The following SHISA9 variants were observed in gnomAD, a reference collection of about 807,000 sequenced individuals.
The protein encoded by SHISA9 is shisa family member 9.
Under a neutral mutation model 38.0 loss-of-function variants are expected in SHISA9, and 13 were observed. The ratio of observed to expected loss-of-function variants is 0.34; its 90% CI spans 0.22 to 0.54. The LOEUF (loss-of-function observed/expected upper bound fraction) is 0.54. Ranked by LOEUF, SHISA9 falls within the 20% of genes least tolerant of loss-of-function variation. SHISA9 has a pLI of 0.91. For missense variants in SHISA9, 538 were observed against 575.8 expected (o/e 0.93, Z 0.67); for synonymous variants, 275 against 242.0 (o/e 1.14, Z -1.27).
At chr16:13,448,248 T>A in the SHISA9 span, among the ~76,000 whole-genome samples, 1 of 152,208 alleles carries the variant, frequency 6.6e-6, no homozygotes, top group African/African-American at 2.4e-5. Flanking sequence ...CATGCACATG[T>A]ACCCTGGTCT....
intron 2 of SHISA9, among the ~76,000 whole-genome samples, chr16:12,924,720 A>C (rs2071372026): frequency 6.6e-6 from 1 of 152,100 alleles, no homozygotes; most frequent in South Asian, 2.1e-4. Flanking sequence ...TTTTCTCTTG[A>C]GGTATGGTAT....
the SHISA9 span, among the ~76,000 whole-genome samples, chr16:13,341,228 C>G: frequency 1.3e-5 from 2 of 151,450 alleles, no homozygotes; most frequent in Admixed American, 6.6e-5. Flanking sequence ...AGGTGAAAGT[C>G]CACAAACCAC....
chr16:13,547,614 G>A, the SHISA9 span, among the ~76,000 whole-genome samples: 45 of 152,116 alleles, frequency 3.0e-4, no homozygotes, highest in African/African-American at 1.1e-3. Flanking sequence ...GCCCTCAATG[G>A]TTTGGATCAT....
At chr16:13,469,431 GAAA>G in the SHISA9 span, among the ~76,000 whole-genome samples, 45 of 130,746 alleles carry the variant, frequency 3.4e-4, 1 homozygote, top group African/African-American at 1.3e-3. Context: ...GAAAAAGAAA[GAAA>G]GAGAAAGAAA....
intron 2 of SHISA9, among the ~76,000 whole-genome samples, chr16:12,933,381 G>A (rs968481369): frequency 3.3e-5 from 5 of 151,636 alleles, no homozygotes; most frequent in East Asian, 1.9e-4. Context: ...TGCAACCTCC[G>A]CCTCCTGGTT....
intron 4 of SHISA9, among the ~76,000 whole-genome samples, chr16:13,219,823 T>C (rs1260159871): frequency 6.6e-6 from 1 of 152,110 alleles, no homozygotes; most frequent in Admixed American, 6.5e-5. Context: ...CTGGGCATGA[T>C]AGTGGGTGCC....
chr16:13,180,407 T>C (rs1435366371), intron 2 of SHISA9, among the ~76,000 whole-genome samples: 1 of 152,146 alleles, frequency 6.6e-6, no homozygotes, highest in Non-Finnish European at 1.5e-5. Context: ...GTGAAAAAGA[T>C]AAACTGATCA....
intron 2 of SHISA9, among the ~76,000 whole-genome samples, chr16:13,167,298 C>T (rs1029988513): frequency 3.9e-5 from 6 of 152,048 alleles, no homozygotes; most frequent in African/African-American, 1.4e-4. Context: ...TATTGAACTC[C>T]CGACCTCAGG....
the SHISA9 span, among the ~76,000 whole-genome samples, chr16:13,296,614 C>G: frequency 6.6e-6 from 1 of 151,840 alleles, no homozygotes; most frequent in East Asian, 1.9e-4. Context: ...ATATTATTCC[C>G]TTTTTATAGA....
chr16:13,226,676 G>A (rs1444197163), intron 4 of SHISA9, among the ~76,000 whole-genome samples: 1 of 152,188 alleles, frequency 6.6e-6, no homozygotes, highest in Non-Finnish European at 1.5e-5. Context: ...GTTTGGGCTG[G>A]ATTGGCTCCT....
intron 2 of SHISA9, among the ~76,000 whole-genome samples, chr16:13,025,395 G>C (rs533272565): frequency 4.6e-5 from 7 of 152,304 alleles, no homozygotes; most frequent in African/African-American, 1.7e-4. Context: ...ATGTGATTCC[G>C]ATGATGCTTA....
the SHISA9 span, among the ~76,000 whole-genome samples, chr16:13,524,165 T>C: frequency 6.6e-6 from 1 of 152,258 alleles, no homozygotes; most frequent in East Asian, 1.9e-4. Context: ...GGTGGAATCT[T>C]AGCATCCAGG....
the SHISA9 span, among the ~76,000 whole-genome samples, chr16:13,499,295 A>T: frequency 6.6e-6 from 1 of 152,240 alleles, no homozygotes; most frequent in East Asian, 1.9e-4. Flanking sequence ...AAAATGACGT[A>T]GTTTTGGCAA....
chr16:13,371,166 C>T, the SHISA9 span, among the ~76,000 whole-genome samples: 1 of 152,256 alleles, frequency 6.6e-6, no homozygotes, highest in Non-Finnish European at 1.5e-5. Context: ...TTATCCAAAA[C>T]TACAAAGCTA....
At chr16:13,194,155 T>C (rs767984511) in intron 2 of SHISA9, among the ~76,000 whole-genome samples, 6 of 151,988 alleles carry the variant, frequency 3.9e-5, no homozygotes, top group Non-Finnish European at 8.8e-5. Flanking sequence ...TCCATTCTTG[T>C]AAAAATCCTG....
At chr16:13,223,390 C>T (rs2051248281) in intron 4 of SHISA9, among the ~76,000 whole-genome samples, 1 of 152,142 alleles carries the variant, frequency 6.6e-6, no homozygotes, top group East Asian at 1.9e-4. Flanking sequence ...CTGATCATGC[C>T]ACTGCACTTC....
chr16:13,458,707 T>A, the SHISA9 span: 6 of 236,826 alleles, frequency 2.5e-5, no homozygotes, highest in South Asian at 1.1e-4. Context: ...AAAAAAAAAA[T>A]TTATAAAACT....
At chr16:13,068,880 T>C (rs1211790145) in intron 2 of SHISA9, among the ~76,000 whole-genome samples, 1 of 152,178 alleles carries the variant, frequency 6.6e-6, no homozygotes, top group Non-Finnish European at 1.5e-5. Context: ...TGTATGTGTA[T>C]TCATGTGTGT....
the SHISA9 span, among the ~76,000 whole-genome samples, chr16:13,274,757 A>G: frequency 1.3e-5 from 2 of 152,178 alleles, no homozygotes; most frequent in African/African-American, 4.8e-5. Flanking sequence ...TCGAAGCTGG[A>G]AAAGCCACTT....
Sources: gnomAD v4.1 joint callset for allele counts (sites outside exome capture counted in the v4.1 genomes callset) on GRCh38, gnomAD v4.1.1 for gene constraint, MANE v1.5 for transcripts, NCBI Gene and HGNC (gene_info 2026-07-23, HGNC 2026-07-21) for gene names.